Variants in KIF21A observed in about 807,000 individuals in gnomAD.
KIF21A encodes the protein kinesin-like protein KIF21A.
In KIF21A, 114 loss-of-function variants were observed where a neutral mutation model predicts 202.9. That is an observed-to-expected ratio of 0.56 (90% CI 0.48 to 0.66). KIF21A has a LOEUF of 0.66. Among genes scored for constraint, KIF21A ranks in the 30% least tolerant of loss-of-function variants. The probability of loss-of-function intolerance (pLI) is 0.00; values close to 1 mark genes in which losing one functional copy is unlikely to be tolerated. For synonymous variants in KIF21A, 667 were observed against 670.8 expected, an observed-to-expected ratio of 0.99 and a Z score of 0.09; for missense variants, 1,677 against 1,994.9, an observed-to-expected ratio of 0.84 and a Z score of 3.04.
intron 17 of KIF21A, among the ~76,000 whole-genome samples, 184 bp from the exon 18 acceptor site, chr12:39,333,464 C>G (rs1223921467): frequency 6.6e-6 from 1 of 152,104 alleles, no homozygotes; most frequent in Non-Finnish European, 1.5e-5. Flanking sequence ...CAAATAAATA[C>G]AGATATACCC....
chr12:39,352,028 T>A (rs754581670), intron 10 of KIF21A, 48 bp from the exon 11 acceptor site: 1 of 1,259,820 alleles, frequency 7.9e-7, no homozygotes, highest in African/African-American at 1.5e-5. Context: ...TCTCTGTGGA[T>A]AAAAATACAT....
chr12:39,419,543 T>TA (rs1954069846), intron 1 of KIF21A, among the ~76,000 whole-genome samples: 1 of 152,192 alleles, frequency 6.6e-6, no homozygotes, highest in Admixed American at 6.5e-5. Context: ...TACGTCAAGA[T>TA]AGGGAAAGGA....
intron 1 of KIF21A, among the ~76,000 whole-genome samples, chr12:39,414,894 A>C (rs1953412263): frequency 6.6e-6 from 1 of 151,876 alleles, no homozygotes; most frequent in Non-Finnish European, 1.5e-5. Context: ...TTCTGTGCTA[A>C]ACATTCTGTG....
intron 1 of KIF21A, among the ~76,000 whole-genome samples, chr12:39,429,778 A>G (rs1170656667): frequency 2.0e-5 from 3 of 152,188 alleles, no homozygotes; most frequent in Non-Finnish European, 4.4e-5. Flanking sequence ...TAGTTATTAG[A>G]TATTACCTAG....
intron 1 of KIF21A, among the ~76,000 whole-genome samples, chr12:39,416,828 T>C (rs1953781934): frequency 7.0e-6 from 1 of 142,426 alleles, no homozygotes; most frequent in Non-Finnish European, 1.5e-5. Flanking sequence ...TATATGTACA[T>C]ATATGTGTAT....
chr12:39,438,952 T>C (rs979789563), intron 1 of KIF21A, among the ~76,000 whole-genome samples: 1 of 152,222 alleles, frequency 6.6e-6, no homozygotes, highest in Admixed American at 6.5e-5. Flanking sequence ...AGATTCTACA[T>C]TGTACTTTAT....
At chr12:39,328,193 C>A (rs148599154) in intron 24 of KIF21A, among the ~76,000 whole-genome samples, 1 of 152,048 alleles carries the variant, frequency 6.6e-6, no homozygotes, top group East Asian at 1.9e-4. Context: ...CTAGAAACTT[C>A]GTGCAAATAA....
rs1383293890 is a variant in KIF21A at position 39,363,084 on chromosome 12, T to C, written c.1019+14A>G. On this transcript the variant is annotated intron_variant, in intron 7 of 37. Coordinates refer to ENST00000361418, the MANE Select transcript of KIF21A (RefSeq NM_001173464.2). ...AATCAAAAGTCTGAGTAGAGGATAATCATCTATGCATACCTATTACCCCCG... is the reference window on the plus strand; with the variant it reads ...AATCAAAAGTCTGAGTAGAGGATAACCATCTATGCATACCTATTACCCCCG... 6 of 1,412,182 alleles carry C rather than the reference T, an allele frequency of 4.2e-6. No individual in the cohort carries two copies. In the African/African-American group the frequency reaches 7.1e-5, roughly 17 times the overall value. 87.5% of individuals were successfully genotyped at this position (1,412,182 alleles called of 1,614,324 possible).
rs1352492048 is a variant in KIF21A, at chr12:39,311,465, C to T, written c.4048G>A (p.Val1350Met). The T allele has an allele frequency of 1.2e-6, 2 of 1,613,172 alleles. No homozygotes were observed. The highest frequency in any genetic ancestry group is 1.7e-5 in the Admixed American group (1 of 59,994). ...TCATCAGTAGAATCCACACAGAGCA[C>T]AGCTTTTGTATGCCCTTCAGCTATG... ...IHIAEGHTKAVLCVDSTDDLL... is the reference protein window; with the variant it reads ...IHIAEGHTKAMLCVDSTDDLL... Residue 1350 changes from valine to methionine, a missense_variant, in exon 32 of 38, where the codon GTG becomes ATG. Val to Met is a conservative substitution (Grantham distance 21). This residue lies in a region of KIF21A where 705 missense variants were observed against 791.9 expected (regional missense o/e 0.89). Coordinates refer to ENST00000361418, the MANE Select transcript of KIF21A (RefSeq NM_001173464.2).
intron 1 of KIF21A, among the ~76,000 whole-genome samples, chr12:39,376,785 C>T (rs935739465): frequency 1.3e-5 from 2 of 152,122 alleles, no homozygotes; most frequent in Non-Finnish European, 2.9e-5. Context: ...CTCTCTCTTA[C>T]ACTCCTACCC....
At chr12:39,404,233 A>T (rs1952403574) in intron 1 of KIF21A, among the ~76,000 whole-genome samples, 1 of 152,092 alleles carries the variant, frequency 6.6e-6, no homozygotes, top group Non-Finnish European at 1.5e-5. Flanking sequence ...CAAGTAGCTG[A>T]GGTAAGAGGC....
At chr12:39,441,671 A>AAAAAAAAAAAAAAAAAAAAAAAC (rs1364584030) in intron 1 of KIF21A, among the ~76,000 whole-genome samples, 1 of 140,444 alleles carries the variant, frequency 7.1e-6, no homozygotes, top group African/African-American at 2.6e-5. Flanking sequence ...AAAAAAAAAA[A>AAAAAAAAAAAAAAAAAAAAAAAC]AAAAAAAAAC....
In KIF21A at chr12:39,312,466, C is replaced by G. The variant is rs547395965; in HGVS notation, c.3960-913G>C. The G allele has an allele frequency of 3.9e-5, 6 of 151,966 alleles. No individual in the cohort carries two copies. In the East Asian group the frequency reaches 1.2e-3, roughly 29 times the overall value. The allele number at this position is 151,966 out of a possible 1,614,324, so 9.4% of individuals were successfully genotyped here. Reference sequence around the variant, plus strand: ...TAAGACCTACTATTTGATAGCCCAACAGGGTGACTATAGTTGATAATAATT... The same window carrying G: ...TAAGACCTACTATTTGATAGCCCAAGAGGGTGACTATAGTTGATAATAATT... On this transcript the variant is annotated intron_variant, in intron 31 of 37. Coordinates refer to ENST00000361418, the MANE Select transcript of KIF21A (RefSeq NM_001173464.2).
chr12:39,393,182 C>G (rs1566127508), intron 1 of KIF21A, among the ~76,000 whole-genome samples: 1 of 151,888 alleles, frequency 6.6e-6, no homozygotes, highest in South Asian at 2.1e-4. Flanking sequence ...GGGCTGAGCT[C>G]CTGGCACTGT....
intron 10 of KIF21A, among the ~76,000 whole-genome samples, chr12:39,356,152 T>C (rs1948760677): frequency 6.6e-6 from 1 of 152,216 alleles, no homozygotes; most frequent in Non-Finnish European, 1.5e-5. Context: ...TTAATCTTCT[T>C]TCCCAACCCT....
intron 1 of KIF21A, among the ~76,000 whole-genome samples, chr12:39,404,327 T>A (rs1292635709): frequency 6.6e-6 from 1 of 152,198 alleles, no homozygotes; most frequent in Non-Finnish European, 1.5e-5. Context: ...GACTACCTTT[T>A]CCAACTGACC....
intron 1 of KIF21A, among the ~76,000 whole-genome samples, chr12:39,392,839 G>A (rs1951470166): frequency 6.9e-6 from 1 of 145,050 alleles, no homozygotes; most frequent in South Asian, 2.3e-4. Context: ...CATACTAGAT[G>A]TTTACATAAA....
chr12:39,424,148 CA>C (rs57858880), intron 1 of KIF21A, among the ~76,000 whole-genome samples: 17,990 of 152,088 alleles, frequency 0.12, 1,092 homozygotes, highest in African/African-American at 0.14. Flanking sequence ...TCCACTAAAG[CA>C]GCTCATATTT....
intron 12 of KIF21A, 140 bp downstream of exon 12, chr12:39,346,326 T>C (rs1947886531): frequency 2.2e-6 from 1 of 447,388 alleles, no homozygotes; most frequent in Admixed American, 4.4e-5. Context: ...CTTGTTAGTT[T>C]TATAAAATCA....
Sources: gnomAD v4.1 joint callset for allele counts (sites outside exome capture counted in the v4.1 genomes callset) on GRCh38, gnomAD v4.1.1 for gene constraint, gnomAD v4.1.1 regional missense constraint, MANE v1.5 for transcripts, NCBI Gene and HGNC (gene_info 2026-07-23, HGNC 2026-07-21) for gene names.